The following SLC8A1 variants were observed in gnomAD, a reference collection of about 807,000 sequenced individuals.
SLC8A1 encodes the protein solute carrier family 8 member A1, also known as sodium/calcium exchanger 1.
SLC8A1 carries 18 observed loss-of-function variants against 68.3 expected under a neutral mutation model. The ratio of observed to expected loss-of-function variants is 0.26; its 90% confidence interval spans 0.18 to 0.39. SLC8A1 has a LOEUF of 0.39. Among genes scored for constraint, SLC8A1 ranks in the 10% least tolerant of loss-of-function variants. The pLI is 1.00. For synonymous variants in SLC8A1, 475 were observed against 415.5 expected (o/e 1.14, Z -1.74); for missense variants, 985 against 1,156.7 (o/e 0.85, Z 2.15).
chr2:40,391,018 A>T (rs1013305447), intron 2 of SLC8A1, among the ~76,000 whole-genome samples: 7 of 152,070 alleles, frequency 4.6e-5, no homozygotes, highest in African/African-American at 1.7e-4. Context: ...AAGATTACTG[A>T]CAAGATCAAC....
At chr2:40,316,984 G>A (rs2074539297) in intron 2 of SLC8A1, among the ~76,000 whole-genome samples, 1 of 151,950 alleles carries the variant, frequency 6.6e-6, no homozygotes, top group Non-Finnish European at 1.5e-5. Context: ...TAACACTCCT[G>A]AAGGGTGGGG....
chr2:40,435,250 C>A (rs1699160165), intron 1 of SLC8A1, among the ~76,000 whole-genome samples: 1 of 152,094 alleles, frequency 6.6e-6, no homozygotes, highest in African/African-American at 2.4e-5. Context: ...ATTAAAGCAA[C>A]CATAAATCCT....
chr2:40,281,330 T>G lies in SLC8A1; in HGVS notation c.1809-103475A>C, dbSNP rs567554926. The stretch of plus-strand genomic sequence containing the variant: ...GGAATGAGAGAAATGGGAACTGTTT[T>G]CCATTTTACATAGTTTCTGGAAAGG... On this transcript the variant is annotated intron_variant, in intron 2 of 7. Transcript: ENST00000406785. 4.6e-5 allele frequency among the ~76,000 whole-genome samples: 7 copies of G among 152,278 alleles called. No homozygotes were observed. The East Asian group carries it at 1.4e-3, about 29-fold the overall frequency.
chr2:40,216,475 G>A (rs1034241599), intron 2 of SLC8A1, among the ~76,000 whole-genome samples: 2 of 152,086 alleles, frequency 1.3e-5, no homozygotes, highest in Non-Finnish European at 2.9e-5. Flanking sequence ...ATGTGCATGT[G>A]TCTTTATAGT....
At chr2:40,502,721 A>AAACATTAAT (rs1706125931) in intron 1 of SLC8A1, among the ~76,000 whole-genome samples, 1 of 152,036 alleles carries the variant, frequency 6.6e-6, no homozygotes, top group Non-Finnish European at 1.5e-5. Context: ...ATTATTCATC[A>AAACATTAAT]AACATTAATT....
intron 4 of SLC8A1, among the ~76,000 whole-genome samples, chr2:40,166,689 T>A (rs1232262428): frequency 1.3e-5 from 2 of 152,252 alleles, no homozygotes; most frequent in South Asian, 2.1e-4. Context: ...GTGGCTGAGA[T>A]ACATGAAGTG....
At chr2:40,239,147 A>G (rs1325986481) in intron 2 of SLC8A1, among the ~76,000 whole-genome samples, 1 of 152,170 alleles carries the variant, frequency 6.6e-6, no homozygotes, top group African/African-American at 2.4e-5. Context: ...TCTTCACCTA[A>G]AAAGGAAACA....
chr2:40,283,741 A>G (rs1330551251), intron 2 of SLC8A1, among the ~76,000 whole-genome samples: 1 of 152,192 alleles, frequency 6.6e-6, no homozygotes, highest in African/African-American at 2.4e-5. Context: ...CTCATTCTCT[A>G]GAAGAATCTG....
At chr2:40,313,413 T>G (rs953244083) in intron 2 of SLC8A1, among the ~76,000 whole-genome samples, 11 of 152,094 alleles carry the variant, frequency 7.2e-5, no homozygotes, top group African/African-American at 2.4e-4. Flanking sequence ...TCTTTTCTGT[T>G]GGGTAGATAC....
At chr2:40,275,601 G>A (rs535662392) in intron 2 of SLC8A1, among the ~76,000 whole-genome samples, 198 of 152,130 alleles carry the variant, frequency 1.3e-3, no homozygotes, top group African/African-American at 4.5e-3. Flanking sequence ...TCTTTACGTG[G>A]GTTTTACATG....
At chr2:40,359,814 G>C (rs1674007631) in intron 2 of SLC8A1, among the ~76,000 whole-genome samples, 1 of 151,912 alleles carries the variant, frequency 6.6e-6, no homozygotes, top group Non-Finnish European at 1.5e-5. Context: ...GCAAGTGTGT[G>C]CTTTACATAG....
intron 2 of SLC8A1, among the ~76,000 whole-genome samples, chr2:40,202,866 G>C (rs1477173107): frequency 6.6e-6 from 1 of 151,948 alleles, no homozygotes; most frequent in Non-Finnish European, 1.5e-5. Context: ...TCTATGCCCA[G>C]GTAGAATATA....
In SLC8A1 at chr2:40,132,783, CA is replaced by C. The variant is rs774668894; in HGVS notation, c.2437+6617del. On this transcript the variant is annotated intron_variant, in intron 7 of 7. Coordinates refer to ENST00000406785, the Ensembl canonical transcript of SLC8A1. ...AAAAAAAATAAAGGTTGAAAGGAGG[CA>C]AAATCAGTTCACATCACTTAATGAC... Among the ~76,000 whole-genome samples, 11 of 152,096 alleles carry C rather than the reference CA, an allele frequency of 7.2e-5. No individual in the cohort carries two copies. The South Asian group carries it at 2.3e-3, about 32-fold the overall frequency.
At chr2:40,153,070 T>C (rs975081503) in intron 6 of SLC8A1, among the ~76,000 whole-genome samples, 12 of 152,120 alleles carry the variant, frequency 7.9e-5, no homozygotes, top group Non-Finnish European at 1.6e-4. Flanking sequence ...CTAAATGTAA[T>C]GAACTAGCTT....
chr2:40,273,997 T>A (rs1305461988), intron 2 of SLC8A1, among the ~76,000 whole-genome samples: 1 of 151,650 alleles, frequency 6.6e-6, no homozygotes, highest in Admixed American at 6.6e-5. Flanking sequence ...TGCAAGGGAC[T>A]GTGCCCCTCT....
chr2:40,433,162 T>C (rs1433002614), intron 1 of SLC8A1, among the ~76,000 whole-genome samples: 1 of 152,132 alleles, frequency 6.6e-6, no homozygotes, highest in African/African-American at 2.4e-5. Flanking sequence ...TCTGACACTC[T>C]TCACGTCCCT....
At chr2:40,164,709 C>A in intron 5 of SLC8A1, 145 bp downstream of exon 8, 2 of 1,089,362 alleles carry the variant, frequency 1.8e-6, no homozygotes, top group Non-Finnish European at 2.6e-6. Flanking sequence ...TCCAATTTGG[C>A]CCCAAAGGCT....
At chr2:40,202,148 C>A (rs921968794) in intron 2 of SLC8A1, among the ~76,000 whole-genome samples, 2 of 151,900 alleles carry the variant, frequency 1.3e-5, no homozygotes, top group African/African-American at 4.8e-5. Flanking sequence ...GAAAATTAAT[C>A]CAGTGTTAAC....
chr2:40,453,974 G>A (rs1247590325), upstream of SLC8A1, among the ~76,000 whole-genome samples: 1 of 152,282 alleles, frequency 6.6e-6, no homozygotes, highest in East Asian at 1.9e-4. Flanking sequence ...CTTGCTATAA[G>A]TTAAATTTTC....
Sources: allele counts gnomAD v4.1 joint callset (sites outside exome capture counted in the v4.1 genomes callset), GRCh38; gene constraint gnomAD v4.1.1; transcripts MANE v1.5; gene names NCBI Gene and HGNC (gene_info 2026-07-23, HGNC 2026-07-21).